The following HCN4 variants were observed in gnomAD, a reference collection of about 807,000 sequenced individuals.
The protein encoded by HCN4 is potassium/sodium hyperpolarization-activated cyclic nucleotide-gated channel 4.
A neutral mutation model predicts 76.9 loss-of-function variants in HCN4; 29 were observed. The observed-to-expected ratio is 0.38, with a 90% CI of 0.28 to 0.51. The LOEUF is 0.51. Among genes scored for constraint, HCN4 ranks in the 20% least tolerant of loss-of-function variants. The pLI is 0.90. For missense variants in HCN4, 1,416 were observed against 1,715.2 expected, an observed-to-expected ratio of 0.83 and a Z score of 3.08; for synonymous variants, 772 against 762.5, an observed-to-expected ratio of 1.01 and a Z score of -0.21.
At chr15:73,326,793 A>AT (rs990120364) in intron 4 of HCN4, among the ~76,000 whole-genome samples, 2 of 144,888 alleles carry the variant, frequency 1.4e-5, no homozygotes, top group African/African-American at 2.5e-5. Flanking sequence ...TTATTTATTT[A>AT]TTTTTTTTGT....
chr15:73,342,042 G>A (rs1046646789), intron 2 of HCN4, among the ~76,000 whole-genome samples: 3 of 151,662 alleles, frequency 2.0e-5, no homozygotes, highest in East Asian at 1.9e-4. Flanking sequence ...AGCTTGTCCC[G>A]CCCACAGGTG....
chr15:73,323,276 G>T lies in HCN4; in HGVS notation c.2817C>A (p.Ala939=). 1 of 1,530,636 alleles carries T rather than the reference G, an allele frequency of 6.5e-7. No homozygotes were observed. 94.8% of individuals were successfully genotyped at this position (1,530,636 alleles called of 1,614,324 possible). The change falls in exon 8 of 8, where the codon GCC becomes GCA. Residue 939 remains alanine (A), a synonymous_variant. Coordinates refer to ENST00000261917, the MANE Select transcript of HCN4 (RefSeq NM_005477.3). Reference sequence around the variant, plus strand: ...CCCCGGGTGGCGCGGGAGATGGCTGGGCAGCCTGCGGGGAGCGGGCGCCTG... The same window carrying T: ...CCCCGGGTGGCGCGGGAGATGGCTGTGCAGCCTGCGGGGAGCGGGCGCCTG... ...LQPGARSPQA[A]QPSPAPPGAR...
At chr15:73,334,163 C>T (rs536871467) in intron 2 of HCN4, among the ~76,000 whole-genome samples, 1 of 151,982 alleles carries the variant, frequency 6.6e-6, no homozygotes, top group East Asian at 1.9e-4. Flanking sequence ...CAGCCCAGTA[C>T]CACTGGGGCA....
Position 73,367,919 on chromosome 15 carries a change from TGCTGCCGCTCCCCGTGCCGCC to T in HCN4, c.331_351del (p.Gly111_Ser117del). Reference sequence around the variant, plus strand: ...GCGGAGTCATGCAGGTGTCCGTGACTGCTGCCGCTCCCCGTGCCGCCGCTGCCGCCGCCCCGGCTGCCCAGC... The same window carrying T: ...GCGGAGTCATGCAGGTGTCCGTGACTGCTGCCGCCGCCCCGGCTGCCCAGC... On this transcript the variant is annotated inframe_deletion, in exon 1 of 8. Transcript: ENST00000261917. This position sits in a 1 kb window ranked among gnomAD's most constrained non-coding sequence, Gnocchi z 7.5. 7.3e-7 allele frequency: 1 copy of T among 1,378,466 alleles called. No individual in the cohort carries two copies. The highest frequency in any genetic ancestry group is 9.4e-7 in the Non-Finnish European group (1 of 1,069,368). 85.4% of individuals were successfully genotyped at this position (1,378,466 alleles called of 1,614,324 possible).
Position 73,368,127 on chromosome 15 carries a change from G to C in HCN4, c.144C>G (p.Ile48Met), listed in dbSNP as rs776352142. Residue 48 changes from isoleucine (I) to methionine (M), a missense_variant, in exon 1 of 8, where the codon ATC becomes ATG. Physicochemically the swap from Ile to Met is conservative, Grantham distance 10. Around this residue, in one of 6 missense-constraint regions of HCN4, gnomAD observed 355 missense variants for 347.8 expected, o/e 1.02. Coordinates refer to ENST00000261917, the MANE Select transcript of HCN4 (RefSeq NM_005477.3). This position sits in a 1 kb window ranked among gnomAD's most constrained non-coding sequence, Gnocchi z 6.9. Reference protein sequence around the residue: ...GGRQDPSRRSIRLRPLPSPSP... With the variant: ...GGRQDPSRRSMRLRPLPSPSP... ...AGGGCGAGGGCAGTGGCCGCAGCCG[G>C]ATGCTCCTGCGGCTGGGGTCTTGGC... 3 of 1,512,950 alleles carry C rather than the reference G, an allele frequency of 2.0e-6. No homozygotes were observed. The highest frequency in any genetic ancestry group is 2.6e-6 in the Non-Finnish European group (3 of 1,133,048). 93.7% of individuals were successfully genotyped at this position (1,512,950 alleles called of 1,614,324 possible). A position where few individuals can be genotyped will look rare whatever the true frequency, so the allele number is the denominator to read the frequency against.
At position 73,336,875 on chromosome 15, in the gene HCN4, C is replaced by A. The variant is rs1378156416; in HGVS notation, c.1210-4583G>T. Among the ~76,000 whole-genome samples the A allele has an allele frequency of 2.0e-5, 3 of 152,180 alleles. No homozygotes were observed. In the East Asian group the frequency reaches 5.8e-4, roughly 29 times the overall value. ...ATGTCACTCTCTTACCATAAACCTT[C>A]CAATGACTTCCCACTGCACCCATGA... is the stretch of plus-strand genomic sequence containing the variant. On this transcript the variant is annotated intron_variant, in intron 2 of 7. Coordinates refer to ENST00000261917, the MANE Select transcript of HCN4 (RefSeq NM_005477.3).
chr15:73,346,696 G>A (rs138948695), intron 1 of HCN4, among the ~76,000 whole-genome samples: 23 of 152,264 alleles, frequency 1.5e-4, no homozygotes, highest in Non-Finnish European at 2.9e-4. Context: ...ATCCCTATGA[G>A]CCCAGGTATC....
At chr15:73,347,091 T>A (rs2043033078) in intron 1 of HCN4, among the ~76,000 whole-genome samples, 1 of 152,226 alleles carries the variant, frequency 6.6e-6, no homozygotes, top group African/African-American at 2.4e-5. Context: ...GGCTCCTTGG[T>A]GACTGAAAAG....
Position 73,368,181 on chromosome 15 carries a change from C to G in HCN4, c.90G>C (p.Glu30Asp). The G allele has an allele frequency of 1.3e-6, 2 of 1,533,410 alleles. No individual in the cohort carries two copies. Among genetic ancestry groups the G allele is most frequent in the Non-Finnish European group, 1.8e-6 (2 of 1,141,618 alleles). The allele number at this position is 1,533,410 out of a possible 1,614,324, so 95.0% of individuals were successfully genotyped here. Reference protein sequence around the residue: ...GAKAWIMDEEEDAEEEGAGGR... With the variant: ...GAKAWIMDEEDDAEEEGAGGR... The stretch of plus-strand genomic sequence containing the variant: ...CCCCGGCCCCCTCCTCCTCGGCGTC[C>G]TCTTCCTCGTCCATGATCCACGCCT... Residue 30 changes from glutamate to aspartate, a missense_variant, in exon 1 of 8, where the codon GAG (glutamate) becomes GAC (aspartate). Around this residue, in one of 6 missense-constraint regions of HCN4, gnomAD observed 355 missense variants for 347.8 expected, o/e 1.02. Coordinates refer to ENST00000261917, the MANE Select transcript of HCN4 (RefSeq NM_005477.3). The surrounding 1 kb of genome is among the most constrained non-coding windows in gnomAD (Gnocchi z 6.9).
At position 73,322,155 on chromosome 15, in the gene HCN4, G is replaced by A. The variant is rs565762240; in HGVS notation, c.*326C>T. ...CAATGACACATCTGCTCTAAGAACC[G>A]CCAACACTGGCCACTCCCACCCCTG... On this transcript the variant is annotated 3_prime_UTR_variant, in exon 8 of 8. Transcript: ENST00000261917. The A allele has an allele frequency of 2.1e-4, 78 of 364,718 alleles. No homozygotes were observed. Among genetic ancestry groups the A allele is most frequent in the African/African-American group, 1.4e-3 (65 of 47,496 alleles). 22.6% of individuals were successfully genotyped at this position (364,718 alleles called of 1,614,324 possible).
chr15:73,339,959 T>G (rs932261079), intron 2 of HCN4, among the ~76,000 whole-genome samples: 9 of 152,088 alleles, frequency 5.9e-5, no homozygotes, highest in African/African-American at 1.4e-4. Context: ...GTAGGAGAGA[T>G]AAAGGTTTGT....
intron 1 of HCN4, among the ~76,000 whole-genome samples, chr15:73,352,657 A>AACC (rs1227566117): frequency 6.6e-6 from 1 of 152,160 alleles, no homozygotes; most frequent in Admixed American, 6.5e-5. Context: ...GAGCAGAACC[A>AACC]ACCACCCATA....
At chr15:73,359,932 C>T (rs898520058) in intron 1 of HCN4, among the ~76,000 whole-genome samples, 4 of 152,196 alleles carry the variant, frequency 2.6e-5, no homozygotes, top group Non-Finnish European at 5.9e-5. Context: ...TAATGGCACC[C>T]GGATATGGTC....
At chr15:73,354,997 A>C (rs2043071533) in intron 1 of HCN4, among the ~76,000 whole-genome samples, 1 of 152,220 alleles carries the variant, frequency 6.6e-6, no homozygotes, top group African/African-American at 2.4e-5. Context: ...TTGATGCAGA[A>C]TCTCTGACTC....
intron 1 of HCN4, among the ~76,000 whole-genome samples, chr15:73,362,353 C>T (rs1240373765): frequency 6.6e-6 from 1 of 152,202 alleles, no homozygotes; most frequent in South Asian, 2.1e-4. Context: ...ATGGAACAAG[C>T]GCATGAACAG....
At chr15:73,339,605 G>A (rs1460260315) in intron 2 of HCN4, among the ~76,000 whole-genome samples, 1 of 152,248 alleles carries the variant, frequency 6.6e-6, no homozygotes, top group Admixed American at 6.5e-5. Context: ...CACAGCTTCA[G>A]AGAACATCAT....
At chr15:73,324,667 G>A (rs562371575) in intron 6 of HCN4, among the ~76,000 whole-genome samples, 1 of 152,260 alleles carries the variant, frequency 6.6e-6, no homozygotes, top group South Asian at 2.1e-4. Context: ...CAGCAGTGCA[G>A]CCCAGAAGAG....
Position 73,322,926 on chromosome 15 carries a change from G to T in HCN4, c.3167C>A (p.Pro1056His). The change falls in exon 8 of 8, where the codon CCT (proline) becomes CAT (histidine). Residue 1056 changes from proline (P) to histidine (H), a missense_variant. Around this residue, in one of 6 missense-constraint regions of HCN4, gnomAD observed 633 missense variants for 579.8 expected, o/e 1.09. Transcript: ENST00000261917. ...SGSHGSLLLP[P>H]ASSPPPPQVP... ...CTGGGGTGGTGGGGGGCTGGATGCA[G>T]GTGGCAGGAGCAAGGATCCGTGGGA... 1 of 1,407,552 alleles carries T rather than the reference G, an allele frequency of 7.1e-7. No individual in the cohort carries two copies. The highest frequency in any genetic ancestry group is 9.4e-7 in the Non-Finnish European group (1 of 1,066,626). 87.2% of individuals were successfully genotyped at this position (1,407,552 alleles called of 1,614,324 possible).
intron 1 of HCN4, among the ~76,000 whole-genome samples, chr15:73,366,088 GCTGT>G (rs1264669466): frequency 6.6e-6 from 1 of 152,176 alleles, no homozygotes; most frequent in African/African-American, 2.4e-5. Flanking sequence ...GATGACTATG[GCTGT>G]CTGTTTAGCC....
Sources: allele counts gnomAD v4.1 joint callset (sites outside exome capture counted in the v4.1 genomes callset), GRCh38; gene constraint gnomAD v4.1.1; regional missense constraint gnomAD v4.1.1; non-coding constraint Gnocchi (gnomAD v3.1); transcripts MANE v1.5; gene names NCBI Gene and HGNC (gene_info 2026-07-23, HGNC 2026-07-21).